The following SS18 variants were observed in gnomAD, a reference collection of about 807,000 sequenced individuals.
SS18 encodes protein SSXT.
SS18 carries 28 observed loss-of-function variants against 72.5 expected under a neutral mutation model. The ratio of observed to expected loss-of-function variants is 0.39; its 90% confidence interval spans 0.29 to 0.53. SS18 has a LOEUF of 0.53. Ranked by LOEUF, SS18 falls within the 20% of genes least tolerant of loss-of-function variation. The pLI is 0.76. For missense variants in SS18, 518 were observed against 535.3 expected (o/e 0.97, Z 0.32); for synonymous variants, 172 against 164.2 (o/e 1.05, Z -0.37).
chr18:26,034,982 A>G (rs1185243242), intron 9 of SS18, 23 bp downstream of exon 9: 1 of 1,596,982 alleles, frequency 6.3e-7, no homozygotes, highest in South Asian at 1.1e-5. Context: ...TTGGTGATAA[A>G]AATACACTGT....
intron 3 of SS18, among the ~76,000 whole-genome samples, chr18:26,076,796 C>T (rs1164393501): frequency 6.6e-6 from 1 of 151,792 alleles, no homozygotes; most frequent in African/African-American, 2.4e-5. Flanking sequence ...TTCAACATAA[C>T]AAAGAATGAC....
At chr18:26,034,904 GT>G (rs2053601520) in intron 9 of SS18, 100 bp downstream of exon 9, 2 of 1,419,894 alleles carry the variant, frequency 1.4e-6, no homozygotes, top group South Asian at 1.5e-5. Flanking sequence ...GAATTTTCAA[GT>G]GATAATTCTT....
chr18:26,088,343 T>C (rs972264827), intron 1 of SS18, among the ~76,000 whole-genome samples: 3 of 152,154 alleles, frequency 2.0e-5, no homozygotes, highest in Non-Finnish European at 4.4e-5. Flanking sequence ...ACATGAAAAC[T>C]TCAGCCCAGG....
At chr18:26,078,772 A>G (rs879747620) in intron 2 of SS18, among the ~76,000 whole-genome samples, 1 of 152,212 alleles carries the variant, frequency 6.6e-6, no homozygotes, top group Non-Finnish European at 1.5e-5. Flanking sequence ...CTGTAATTCC[A>G]GCTACTCAGG....
chr18:26,028,177 G>A (rs1003847332), intron 10 of SS18, among the ~76,000 whole-genome samples: 2 of 152,062 alleles, frequency 1.3e-5, no homozygotes, highest in East Asian at 1.9e-4. Context: ...AGAAATATAG[G>A]TAGCAAATAA....
At position 26,067,931 on chromosome 18, in the gene SS18, A is replaced by T. The variant is rs112002534; in HGVS notation, c.231+10145T>A. Among the ~76,000 whole-genome samples the T allele has an allele frequency of 4.1e-3, 623 of 152,310 alleles. 5 individuals are homozygous for T. Among genetic ancestry groups the T allele is most frequent in the African/African-American group, 0.014 (601 of 41,578 alleles). On this transcript the variant is annotated intron_variant, in intron 3 of 10. Transcript: ENST00000415083. ...GGATAAAACTGTTCCACCTCAGATC[A>T]TCAGGCATTAGATTATCATAAGGAG...
chr18:26,055,365 G>A (rs1438172105), intron 4 of SS18, among the ~76,000 whole-genome samples: 1 of 151,918 alleles, frequency 6.6e-6, no homozygotes, highest in African/African-American at 2.4e-5. Flanking sequence ...TACTCGGGAG[G>A]ATGAGGCAGG....
chr18:26,057,983 TCA>T (rs2054053813), intron 3 of SS18, among the ~76,000 whole-genome samples: 1 of 152,222 alleles, frequency 6.6e-6, no homozygotes, highest in African/African-American at 2.4e-5. Flanking sequence ...CAAAAAATTC[TCA>T]TTTATTTATA....
chr18:26,064,287 C>A (rs1275701221), intron 3 of SS18, among the ~76,000 whole-genome samples: 1 of 152,052 alleles, frequency 6.6e-6, no homozygotes, highest in African/African-American at 2.4e-5. Flanking sequence ...GGCATCAGTT[C>A]CCAATTCTTT....
intron 3 of SS18, among the ~76,000 whole-genome samples, chr18:26,062,208 C>T (rs1447577311): frequency 6.6e-6 from 1 of 152,068 alleles, no homozygotes; most frequent in Non-Finnish European, 1.5e-5. Flanking sequence ...TTGCAGTGAG[C>T]TAAGATCACA....
Position 26,090,547 on chromosome 18 carries a change from G to T in SS18, c.23C>A (p.Pro8Gln). 1.3e-6 allele frequency: 2 copies of T among 1,588,404 alleles called. No homozygotes were observed. Among genetic ancestry groups the T allele is most frequent in the Non-Finnish European group, 1.7e-6 (2 of 1,168,194 alleles). The stretch of plus-strand genomic sequence containing the variant: ...GATCTCCCCCTTGCCTCGCTGCCTC[G>T]GGGCCGCGAAAGCCACAGACATGTT... MSVAFAA[P>Q]RQRGKGEITP... The change falls in exon 1 of 11, where the codon CCG becomes CAG. Residue 8 changes from proline to glutamine, a missense_variant. Pro to Gln is a moderately conservative substitution (Grantham distance 76). Transcript: ENST00000415083.
Position 26,090,527 on chromosome 18 carries a change from C to G in SS18, c.43G>C (p.Glu15Gln), listed in dbSNP as rs1319010285. ...FAAPRQRGKGEITPAAIQKML... is the reference protein window; with the variant it reads ...FAAPRQRGKGQITPAAIQKML... ...TTCTGAATCGCAGCGGGAGTGATCTCCCCCTTGCCTCGCTGCCTCGGGGCC... is the reference window on the plus strand; with the variant it reads ...TTCTGAATCGCAGCGGGAGTGATCTGCCCCTTGCCTCGCTGCCTCGGGGCC... The change falls in exon 1 of 11, where the codon GAG (glutamate) becomes CAG (glutamine). Residue 15 changes from glutamate (E) to glutamine (Q), a missense_variant. By Grantham distance (29) the Glu-to-Gln change is conservative (BLOSUM62 2). Coordinates refer to ENST00000415083, the MANE Select transcript of SS18 (RefSeq NM_001007559.3). 2.5e-6 allele frequency: 4 copies of G among 1,587,292 alleles called. No individual in the cohort carries two copies. The highest frequency in any genetic ancestry group is 1.4e-5 in the African/African-American group (1 of 74,072).
At chr18:26,032,310 C>T in intron 10 of SS18, 89 bp downstream of exon 10, 4 of 1,470,272 alleles carry the variant, frequency 2.7e-6, no homozygotes, top group South Asian at 1.3e-5. Flanking sequence ...AAACATGAGG[C>T]TTCAAGTTAA....
In SS18 at chr18:26,032,521, C is replaced by G; in HGVS notation, c.1108G>C (p.Gly370Arg). Residue 370 changes from glycine (G) to arginine (R), a missense_variant, in exon 10 of 11, where the codon GGT becomes CGT. Gly to Arg is a moderately radical substitution (Grantham distance 125). Transcript: ENST00000415083. ...GQQQGYGPSQ[G>R]GPGPQYPNYP... is the part of the protein sequence containing the mutation. ...TTAGGATACTGAGGACCTGGACCACCCTGTGAAGGACCTGAAAATAATGTA... is the reference window on the plus strand; with the variant it reads ...TTAGGATACTGAGGACCTGGACCACGCTGTGAAGGACCTGAAAATAATGTA... 1.9e-6 allele frequency: 3 copies of G among 1,613,152 alleles called. No individual in the cohort carries two copies. The East Asian group carries it at 6.7e-5, about 36-fold the overall frequency.
At chr18:26,071,137 AG>A (rs1434654803) in intron 3 of SS18, among the ~76,000 whole-genome samples, 1 of 152,206 alleles carries the variant, frequency 6.6e-6, no homozygotes, top group African/African-American at 2.4e-5. Context: ...GTCTAGTCTA[AG>A]TTTAACTGGA....
intron 3 of SS18, among the ~76,000 whole-genome samples, chr18:26,073,133 G>A (rs969927313): frequency 4.0e-5 from 6 of 151,366 alleles, no homozygotes; most frequent in Non-Finnish European, 7.4e-5. Context: ...AACTCAAATC[G>A]TAAAATGTTA....
chr18:26,052,805 T>C lies in SS18; in HGVS notation c.426A>G (p.Gln142=), dbSNP rs1463642787. 1 of 1,614,166 alleles carries C rather than the reference T, an allele frequency of 6.2e-7. No individual in the cohort carries two copies. Among genetic ancestry groups the C allele is most frequent in the Non-Finnish European group, 8.5e-7 (1 of 1,180,004 alleles). ...HMPMQGPGPN[Q]LNMTNSSMNM... ...TCATGGAACTGTTTGTCATATTGAG[T>C]TGATTGGGTCCAGGTCCCTGCATAG... The change falls in exon 5 of 11, where the codon CAA becomes CAG. Residue 142 remains glutamine, a synonymous_variant. Coordinates refer to ENST00000415083, the MANE Select transcript of SS18 (RefSeq NM_001007559.3).
chr18:26,036,461 T>C (rs2053627955), intron 7 of SS18, among the ~76,000 whole-genome samples: 2 of 152,194 alleles, frequency 1.3e-5, no homozygotes, highest in Admixed American at 6.5e-5. Flanking sequence ...TGCAAAATTA[T>C]ATATCTTAAT....
Position 26,035,112 on chromosome 18 carries a change from C to A in SS18, c.989G>T (p.Gly330Val). ...TCCCTGGTATGCATCTTGCTGTTGG[C>A]CATACTGTGAATTTCCTACAGGATA... ...HYYEGGNSQY[G>V]QQQDAYQGPP... is the part of the protein sequence containing the mutation. Residue 330 changes from glycine to valine, a missense_variant, in exon 9 of 11, where the codon GGC becomes GTC. Physicochemically the swap from Gly to Val is moderately radical, Grantham distance 109. Coordinates refer to ENST00000415083, the MANE Select transcript of SS18 (RefSeq NM_001007559.3). The surrounding 1 kb of genome is among the most constrained non-coding windows in gnomAD (Gnocchi z 4.4). 2 of 1,612,740 alleles carry A rather than the reference C, an allele frequency of 1.2e-6. No homozygotes were observed. The highest frequency in any genetic ancestry group is 1.7e-6 in the Non-Finnish European group (2 of 1,179,380).
Sources: gnomAD v4.1 joint callset for allele counts (sites outside exome capture counted in the v4.1 genomes callset) on GRCh38, gnomAD v4.1.1 for gene constraint, Gnocchi (gnomAD v3.1) non-coding constraint, MANE v1.5 for transcripts, NCBI Gene and HGNC (gene_info 2026-07-23, HGNC 2026-07-21) for gene names.